Variants in EHBP1 observed in about 807,000 individuals in gnomAD.
The protein encoded by EHBP1 is EH domain binding protein 1, also known as EH domain-binding protein 1.
EHBP1 carries 55 observed loss-of-function variants against 144.0 expected under a neutral mutation model. The observed-to-expected ratio is 0.38, with a 90% CI of 0.31 to 0.48. The LOEUF is 0.48. Among genes scored for constraint, EHBP1 ranks in the 20% least tolerant of loss-of-function variants. The pLI is 0.98. For synonymous variants in EHBP1, 469 were observed against 472.7 expected (o/e 0.99, Z 0.10); for missense variants, 1,200 against 1,364.2 (o/e 0.88, Z 1.90).
At chr2:62,988,429 A>C (rs563142429) in intron 15 of EHBP1, among the ~76,000 whole-genome samples, 57 of 152,228 alleles carry the variant, frequency 3.7e-4, no homozygotes, top group Non-Finnish European at 1.9e-4. Context: ...TTTAGTTTAG[A>C]ATTATAGTCT....
chr2:62,691,970 T>C (rs190895613), intron 1 of EHBP1, among the ~76,000 whole-genome samples: 1 of 152,348 alleles, frequency 6.6e-6, no homozygotes, highest in East Asian at 1.9e-4. Context: ...GTTTTTAGTA[T>C]GTTCAGAGTT....
chr2:63,009,377 A>T (rs536928485), intron 19 of EHBP1, among the ~76,000 whole-genome samples: 7 of 151,718 alleles, frequency 4.6e-5, no homozygotes, highest in African/African-American at 1.7e-4. Context: ...TTCTTAGCTG[A>T]ACATTTCTAG....
intron 15 of EHBP1, among the ~76,000 whole-genome samples, chr2:62,981,861 G>T (rs1489640778): frequency 2.6e-5 from 4 of 152,212 alleles, no homozygotes; most frequent in Admixed American, 2.0e-4. Context: ...ACCTCCTGAG[G>T]AGTCAGGTTT....
intron 2 of EHBP1, among the ~76,000 whole-genome samples, chr2:62,720,777 A>G (rs1232223204): frequency 6.6e-6 from 1 of 152,198 alleles, no homozygotes; most frequent in Admixed American, 6.5e-5. Flanking sequence ...CTGGAAGAAG[A>G]ATTGTCTTGG....
At chr2:62,734,441 T>A (rs182139563) in intron 2 of EHBP1, among the ~76,000 whole-genome samples, 41 of 151,668 alleles carry the variant, frequency 2.7e-4, no homozygotes, top group Admixed American at 2.3e-3. Context: ...TATATATAAT[T>A]CATTGTAGAT....
intron 7 of EHBP1, among the ~76,000 whole-genome samples, chr2:62,846,467 A>G (rs1300183539): frequency 1.3e-5 from 2 of 152,228 alleles, no homozygotes; most frequent in African/African-American, 2.4e-5. Context: ...GTTTCTTAGC[A>G]AAGTTTCAAT....
At chr2:62,889,222 G>A (rs2052224103) in intron 10 of EHBP1, among the ~76,000 whole-genome samples, 1 of 150,544 alleles carries the variant, frequency 6.6e-6, no homozygotes, top group East Asian at 1.9e-4. Context: ...TTTTTAATGG[G>A]GTTGTTTGGT....
At chr2:63,030,928 T>C (rs967871203) in intron 19 of EHBP1, among the ~76,000 whole-genome samples, 1 of 151,378 alleles carries the variant, frequency 6.6e-6, no homozygotes, top group Non-Finnish European at 1.5e-5. Context: ...CCTGAGTAGC[T>C]GGGATCACAG....
At chr2:62,842,043 C>T (rs1462409758) in intron 7 of EHBP1, among the ~76,000 whole-genome samples, 1 of 152,128 alleles carries the variant, frequency 6.6e-6, no homozygotes, top group East Asian at 1.9e-4. Context: ...TGTGAAGGAA[C>T]AGCAAAGAAA....
intron 10 of EHBP1, among the ~76,000 whole-genome samples, chr2:62,940,602 T>A (rs941467257): frequency 3.9e-5 from 6 of 152,204 alleles, no homozygotes; most frequent in African/African-American, 1.4e-4. Flanking sequence ...TGCTAATTCC[T>A]TTATGGCTTT....
intron 2 of EHBP1, among the ~76,000 whole-genome samples, chr2:62,733,273 C>T (rs945577454): frequency 6.6e-6 from 1 of 152,204 alleles, no homozygotes; most frequent in African/African-American, 2.4e-5. Context: ...TTTACCGCAG[C>T]TATAGCTATA....
At chr2:62,816,010 C>T (rs1472624943) in intron 5 of EHBP1, among the ~76,000 whole-genome samples, 1 of 152,148 alleles carries the variant, frequency 6.6e-6, no homozygotes, top group African/African-American at 2.4e-5. Flanking sequence ...TCTATATTAC[C>T]ATTAGCCTTT....
At chr2:62,830,082 G>A (rs779327124) in intron 6 of EHBP1, among the ~76,000 whole-genome samples, 5 of 149,264 alleles carry the variant, frequency 3.3e-5, no homozygotes, top group Non-Finnish European at 7.4e-5. Context: ...CAAAAATACG[G>A]AACCAGCCTA....
At chr2:62,842,733 A>G (rs775775494) in intron 7 of EHBP1, among the ~76,000 whole-genome samples, 8 of 152,144 alleles carry the variant, frequency 5.3e-5, no homozygotes, top group Non-Finnish European at 1.0e-4. Flanking sequence ...AATATGGTGT[A>G]TTATTTATAG....
intron 19 of EHBP1, among the ~76,000 whole-genome samples, chr2:63,020,323 C>CA (rs1001418542): frequency 0.054 from 2,366 of 43,936 alleles, 58 homozygotes; most frequent in Middle Eastern, 0.068. Context: ...GACTCTGTCT[C>CA]AAAAAAAAAA....
At chr2:62,880,986 T>C (rs2051357976) in intron 10 of EHBP1, among the ~76,000 whole-genome samples, 1 of 152,008 alleles carries the variant, frequency 6.6e-6, no homozygotes, top group East Asian at 1.9e-4. Flanking sequence ...TTGATCAACC[T>C]ACATTGCCCA....
chr2:62,984,171 T>A (rs2059092596), intron 15 of EHBP1, among the ~76,000 whole-genome samples: 1 of 152,186 alleles, frequency 6.6e-6, no homozygotes, highest in Non-Finnish European at 1.5e-5. Flanking sequence ...TTTAAGTATG[T>A]TTTTAATGAT....
intron 7 of EHBP1, among the ~76,000 whole-genome samples, chr2:62,834,644 ATTCACTTTATTT>A (rs902468890): frequency 2.0e-5 from 3 of 152,250 alleles, no homozygotes; most frequent in African/African-American, 7.2e-5. Context: ...TTATTGCAAT[ATTCACTTTATTT>A]TAGTGATCTG....
intron 21 of EHBP1, 81 bp downstream of exon 21, chr2:63,038,897 T>C: frequency 7.5e-7 from 1 of 1,339,624 alleles, no homozygotes. Flanking sequence ...ACTTCTGGTC[T>C]TACTAGATCT....
Sources: allele counts gnomAD v4.1 joint callset (sites outside exome capture counted in the v4.1 genomes callset), GRCh38; gene constraint gnomAD v4.1.1; transcripts MANE v1.5; gene names NCBI Gene and HGNC (gene_info 2026-07-23, HGNC 2026-07-21).